The following COL11A1 variants were observed in gnomAD, a reference collection of about 807,000 sequenced individuals.
The protein encoded by COL11A1 is collagen alpha-1(XI) chain.
Under a neutral mutation model 265.2 loss-of-function variants are expected in COL11A1, and 74 were observed. The observed-to-expected ratio is 0.28, with a 90% CI of 0.23 to 0.34. The LOEUF is 0.34. Among genes scored for constraint, COL11A1 ranks in the 10% least tolerant of loss-of-function variants. COL11A1 has a pLI of 1.00. For missense variants in COL11A1, 2,165 were observed against 2,263.6 expected (o/e 0.96, Z 0.88); for synonymous variants, 816 against 727.6 (o/e 1.12, Z -1.96).
intron 4 of COL11A1, among the ~76,000 whole-genome samples, chr1:103,051,669 C>A (rs1012043904): frequency 4.6e-5 from 7 of 152,202 alleles, no homozygotes; most frequent in Non-Finnish European, 8.8e-5. Flanking sequence ...GTTGGAAATG[C>A]AGAAATCACC....
At chr1:103,016,242 AAG>A (rs1571044108) in intron 11 of COL11A1, among the ~76,000 whole-genome samples, 1 of 150,702 alleles carries the variant, frequency 6.6e-6, no homozygotes, top group African/African-American at 2.4e-5. Flanking sequence ...TACTATCTTC[AAG>A]AGAGATACTT....
At chr1:103,045,839 A>G (rs1223942845) in intron 4 of COL11A1, among the ~76,000 whole-genome samples, 1 of 150,088 alleles carries the variant, frequency 6.7e-6, no homozygotes, top group Admixed American at 6.7e-5. Flanking sequence ...TTATTATTCA[A>G]TTCCCACCTG....
At chr1:102,904,519 A>C (rs1361074734) in intron 54 of COL11A1, among the ~76,000 whole-genome samples, 1 of 152,074 alleles carries the variant, frequency 6.6e-6, no homozygotes, top group African/African-American at 2.4e-5. Flanking sequence ...AACTCAAACA[A>C]ATTTACAAGA....
chr1:103,107,603 G>T (rs1377945981), intron 1 of COL11A1, among the ~76,000 whole-genome samples: 2 of 149,166 alleles, frequency 1.3e-5, no homozygotes, highest in Non-Finnish European at 3.0e-5. Context: ...TGCAGACAAA[G>T]AACTTTATCA....
chr1:102,884,931 C>T (rs961832746), intron 63 of COL11A1, among the ~76,000 whole-genome samples: 1 of 152,162 alleles, frequency 6.6e-6, no homozygotes, highest in South Asian at 2.1e-4. Context: ...AACCTTCACC[C>T]ACCTTTCTGT....
intron 5 of COL11A1, 57 bp from the exon 6 acceptor site, chr1:103,026,389 C>A: frequency 9.3e-7 from 1 of 1,078,414 alleles, no homozygotes; most frequent in Non-Finnish European, 1.4e-6. Context: ...ATACTATTCA[C>A]AAAGTGAGAA....
At chr1:103,026,551 T>C (rs1667534340) in intron 5 of COL11A1, among the ~76,000 whole-genome samples, 1 of 152,136 alleles carries the variant, frequency 6.6e-6, no homozygotes, top group African/African-American at 2.4e-5. Context: ...AGCAGAATAG[T>C]AGTTAGTATC....
At chr1:103,006,447 A>T in intron 15 of COL11A1, 132 bp from the exon 16 acceptor site, 1 of 487,476 alleles carries the variant, frequency 2.1e-6, no homozygotes, top group Middle Eastern at 5.5e-4. Context: ...CAAGAAAATT[A>T]TTTCCATGTA....
Position 102,984,185 on chromosome 1 carries a change from G to T in COL11A1, c.2509C>A (p.Leu837Ile), listed in dbSNP as rs1323870209. ...TATCCTGGTAATCCTGGAACTCCAA[G>T]TTTTCCCTACAGTTAAAATATATAA... ...PSGQAGEKGK[L>I]GVPGLPGYPG... is the part of the protein sequence containing the mutation. The change falls in exon 31 of 67, where the codon CTT (leucine) becomes ATT (isoleucine). Residue 837 changes from leucine (L) to isoleucine (I), a missense_variant. Leu to Ile is a conservative substitution (Grantham distance 5). Coordinates refer to ENST00000370096, the MANE Select transcript of COL11A1 (RefSeq NM_001854.4). The T allele has an allele frequency of 1.3e-6, 2 of 1,591,842 alleles. No individual in the cohort carries two copies. Among genetic ancestry groups the T allele is most frequent in the Non-Finnish European group, 8.6e-7 (1 of 1,162,518 alleles).
chr1:102,964,464 G>A (rs998123970), intron 38 of COL11A1, among the ~76,000 whole-genome samples: 7 of 152,054 alleles, frequency 4.6e-5, no homozygotes, highest in Admixed American at 6.6e-5. Context: ...AAATAACATC[G>A]TATTTCCCTT....
intron 3 of COL11A1, among the ~76,000 whole-genome samples, chr1:103,077,844 T>G (rs1332660132): frequency 6.6e-6 from 1 of 152,098 alleles, no homozygotes; most frequent in Non-Finnish European, 1.5e-5. Context: ...TCTATCACTT[T>G]CCAACTATAC....
At position 102,904,615 on chromosome 1, in the gene COL11A1, C is replaced by A. The variant is rs1176144112; in HGVS notation, c.4087-5621G>T. 4.6e-5 allele frequency among the ~76,000 whole-genome samples: 7 copies of A among 151,864 alleles called. No individual in the cohort carries two copies. The East Asian group carries it at 5.8e-4, about 13-fold the overall frequency. The stretch of plus-strand genomic sequence containing the variant: ...AAGATATTTATGCAGCCAAAAAACA[C>A]ATGAAAAAATGCTCATCATCACTGG... On this transcript the variant is annotated intron_variant, in intron 54 of 66. Transcript: ENST00000370096.
intron 41 of COL11A1, 28 bp from the exon 42 acceptor site, chr1:102,946,984 T>C (rs1659361751): frequency 6.4e-7 from 1 of 1,564,082 alleles, no homozygotes; most frequent in East Asian, 2.3e-5. Flanking sequence ...AAGTATTTTG[T>C]TATTAAAGAA....
chr1:102,935,168 C>T, intron 44 of COL11A1, 55 bp from the exon 45 acceptor site: 2 of 1,432,160 alleles, frequency 1.4e-6, no homozygotes, highest in Non-Finnish European at 2.0e-6. Flanking sequence ...GAGCCTCAGC[C>T]ATATGAAACA....
intron 49 of COL11A1, among the ~76,000 whole-genome samples, chr1:102,919,170 C>G (rs1019417664): frequency 6.9e-6 from 1 of 145,344 alleles, no homozygotes; most frequent in Non-Finnish European, 1.5e-5. Context: ...ACACCAACTA[C>G]TGGAACAGTT....
At chr1:102,956,963 A>G (rs1429882349) in intron 41 of COL11A1, among the ~76,000 whole-genome samples, 2 of 151,910 alleles carry the variant, frequency 1.3e-5, no homozygotes, top group Admixed American at 6.6e-5. Flanking sequence ...AATTGCAAAT[A>G]TTTTTAAAGC....
intron 20 of COL11A1, 50 bp from the exon 21 acceptor site, chr1:103,003,318 A>T (rs918593642): frequency 5.2e-6 from 8 of 1,526,524 alleles, no homozygotes; most frequent in Non-Finnish European, 7.2e-6. Flanking sequence ...AAAATGTCCT[A>T]ATAACATGCC....
At chr1:103,000,574 C>T (rs928463793) in intron 24 of COL11A1, among the ~76,000 whole-genome samples, 13 of 151,764 alleles carry the variant, frequency 8.6e-5, no homozygotes, top group Non-Finnish European at 1.0e-4. Flanking sequence ...TTCACACCAA[C>T]GAGAATGATC....
At chr1:102,894,248 A>T (rs920032422) in intron 57 of COL11A1, among the ~76,000 whole-genome samples, 2 of 152,248 alleles carry the variant, frequency 1.3e-5, no homozygotes, top group African/African-American at 4.8e-5. Flanking sequence ...TAAAACACTC[A>T]ATTGGCCAGG....
Sources: allele counts gnomAD v4.1 joint callset (sites outside exome capture counted in the v4.1 genomes callset), GRCh38; gene constraint gnomAD v4.1.1; transcripts MANE v1.5; gene names NCBI Gene and HGNC (gene_info 2026-07-23, HGNC 2026-07-21).